Variants in PRIM2 observed in about 807,000 individuals in gnomAD.
PRIM2 encodes DNA primase subunit 2.
A neutral mutation model predicts 67.3 loss-of-function variants in PRIM2; 39 were observed. The observed-to-expected ratio is 0.58, with a 90% confidence interval of 0.45 to 0.76. PRIM2 has a LOEUF of 0.76. Among genes scored for constraint, PRIM2 ranks in the 30% least tolerant of loss-of-function variants. The pLI, the probability that PRIM2 is intolerant of heterozygous loss-of-function variation, is 0.00. For missense variants in PRIM2, 398 were observed against 598.7 expected (o/e 0.66, Z 3.50); for synonymous variants, 143 against 198.7 (o/e 0.72, Z 2.36).
At chr6:57,517,823 T>C (rs1774519027) in intron 8 of PRIM2, among the ~76,000 whole-genome samples, 2 of 152,094 alleles carry the variant, frequency 1.3e-5, no homozygotes, top group African/African-American at 4.8e-5. Flanking sequence ...GCTGTCCACC[T>C]GTGCAGGACT....
At chr6:57,565,155 T>C (rs1212804061) in intron 10 of PRIM2, among the ~76,000 whole-genome samples, 1 of 152,238 alleles carries the variant, frequency 6.6e-6, no homozygotes, top group East Asian at 1.9e-4. Flanking sequence ...ATGAAACAAG[T>C]GGAGAAAATA....
chr6:57,386,511 T>A (rs1400030810), intron 7 of PRIM2, among the ~76,000 whole-genome samples: 3 of 149,764 alleles, frequency 2.0e-5, no homozygotes, highest in Non-Finnish European at 4.4e-5. Flanking sequence ...CTGGCCTTGG[T>A]GTCTTGGATT....
chr6:57,221,731 G>C, the PRIM2 span: 1 of 152,282 alleles, frequency 6.6e-6, no homozygotes, highest in Non-Finnish European at 1.5e-5. Context: ...CCCACCGCTG[G>C]GAGCTGGGAG....
intron 7 of PRIM2, among the ~76,000 whole-genome samples, chr6:57,428,819 ATATCT>A (rs1771718854): frequency 6.6e-6 from 1 of 152,210 alleles, no homozygotes; most frequent in South Asian, 2.1e-4. Context: ...TTCCTTAATA[ATATCT>A]TATATAACCA....
chr6:57,275,344 C>T, the PRIM2 span, among the ~76,000 whole-genome samples: 44 of 152,126 alleles, frequency 2.9e-4, no homozygotes, highest in African/African-American at 8.9e-4. Flanking sequence ...AACAAATTAG[C>T]GAGGCGTGGT....
chr6:57,530,029 A>G (rs1774853126), intron 8 of PRIM2, among the ~76,000 whole-genome samples: 1 of 151,962 alleles, frequency 6.6e-6, no homozygotes, highest in Non-Finnish European at 1.5e-5. Context: ...TAAAGCCACA[A>G]GTTTCCTTCC....
intron 10 of PRIM2, among the ~76,000 whole-genome samples, chr6:57,588,327 A>T (rs1271594488): frequency 5.3e-5 from 8 of 152,036 alleles, no homozygotes; most frequent in Non-Finnish European, 1.2e-4. Context: ...CACCACTGGT[A>T]AAGTTTGGTG....
At chr6:57,337,306 C>A (rs1310376921) in intron 5 of PRIM2, among the ~76,000 whole-genome samples, 1 of 152,100 alleles carries the variant, frequency 6.6e-6, no homozygotes, top group East Asian at 1.9e-4. Flanking sequence ...ATCAACAAGA[C>A]AGAAAGTCAA....
chr6:57,225,159 C>G, the PRIM2 span, among the ~76,000 whole-genome samples: 1 of 152,310 alleles, frequency 6.6e-6, no homozygotes, highest in East Asian at 1.9e-4. Context: ...AGCTCTTAGG[C>G]CTAACTGCTT....
At chr6:57,336,130 G>T (rs984262909) in intron 5 of PRIM2, among the ~76,000 whole-genome samples, 5 of 152,116 alleles carry the variant, frequency 3.3e-5, no homozygotes, top group African/African-American at 1.2e-4. Context: ...TGAAATGAAT[G>T]AAATGAAGCG....
At chr6:57,459,793 C>T (rs1772936264) in intron 7 of PRIM2, among the ~76,000 whole-genome samples, 2 of 152,124 alleles carry the variant, frequency 1.3e-5, no homozygotes, top group Non-Finnish European at 2.9e-5. Flanking sequence ...GGGTACTTTC[C>T]CTTTACTTAA....
chr6:57,453,821 G>C (rs199549062), intron 7 of PRIM2, among the ~76,000 whole-genome samples: 1 of 152,020 alleles, frequency 6.6e-6, no homozygotes, highest in Non-Finnish European at 1.5e-5. Context: ...TTCCAACACT[G>C]TGTTGAATAG....
At chr6:57,645,082 G>A (rs1434547754) in intron 13 of PRIM2, among the ~76,000 whole-genome samples, 1 of 152,104 alleles carries the variant, frequency 6.6e-6, no homozygotes, top group African/African-American at 2.4e-5. Context: ...ATTGACTTAG[G>A]TTGCTTTTTC....
chr6:57,365,938 A>C (rs1769340658), intron 5 of PRIM2, among the ~76,000 whole-genome samples: 1 of 129,398 alleles, frequency 7.7e-6, no homozygotes, highest in Non-Finnish European at 1.6e-5. Context: ...CAGCAGAGTG[A>C]GACCATATCT....
intron 12 of PRIM2, among the ~76,000 whole-genome samples, chr6:57,614,576 T>C (rs1417811113): frequency 2.0e-5 from 3 of 152,034 alleles, no homozygotes; most frequent in Admixed American, 6.6e-5. Context: ...GTTGGCTGGG[T>C]GTGGTGGCTC....
intron 5 of PRIM2, among the ~76,000 whole-genome samples, chr6:57,337,931 A>G (rs1562701177): frequency 6.6e-6 from 1 of 152,108 alleles, no homozygotes; most frequent in Non-Finnish European, 1.5e-5. Flanking sequence ...TGGTTTTTTG[A>G]AAGGATCAAC....
At chr6:57,504,973 G>T (rs1313244109) in intron 7 of PRIM2, among the ~76,000 whole-genome samples, 2 of 152,134 alleles carry the variant, frequency 1.3e-5, no homozygotes, top group Non-Finnish European at 2.9e-5. Context: ...CTGTTGTGTT[G>T]CAAGTGCTAG....
At chr6:57,430,029 G>A (rs1771765141) in intron 7 of PRIM2, among the ~76,000 whole-genome samples, 1 of 152,196 alleles carries the variant, frequency 6.6e-6, no homozygotes. Flanking sequence ...CCAGCCTAGA[G>A]TCAAGGCTAG....
the PRIM2 span, among the ~76,000 whole-genome samples, chr6:57,259,667 G>A: frequency 6.6e-6 from 1 of 152,194 alleles, no homozygotes; most frequent in South Asian, 2.1e-4. Flanking sequence ...ATGCTGAGGT[G>A]CACTTCCTGG....
Sources: gnomAD v4.1 joint callset for allele counts (sites outside exome capture counted in the v4.1 genomes callset) on GRCh38, gnomAD v4.1.1 for gene constraint, MANE v1.5 for transcripts, NCBI Gene and HGNC (gene_info 2026-07-23, HGNC 2026-07-21) for gene names.